Variants in PRKG1 observed in about 807,000 individuals in gnomAD.
PRKG1 encodes the protein cGMP-dependent protein kinase 1.
Under a neutral mutation model 88.1 loss-of-function variants are expected in PRKG1, and 35 were observed. That is an observed-to-expected ratio of 0.40 (90% confidence interval 0.30 to 0.53). The LOEUF is 0.53. PRKG1 is among the 20% of genes least tolerant of loss of function. The pLI is 0.59. For missense variants in PRKG1, 540 were observed against 839.8 expected, an observed-to-expected ratio of 0.64 and a Z score of 4.41; for synonymous variants, 303 against 292.5, an observed-to-expected ratio of 1.04 and a Z score of -0.37.
chr10:51,233,435 C>T (rs1379583259), intron 2 of PRKG1, among the ~76,000 whole-genome samples: 1 of 152,128 alleles, frequency 6.6e-6, no homozygotes, highest in South Asian at 2.1e-4. Flanking sequence ...AAAGACTAGA[C>T]AACCTTCAGT....
At chr10:51,523,689 A>C (rs944994423) in intron 3 of PRKG1, among the ~76,000 whole-genome samples, 1 of 152,188 alleles carries the variant, frequency 6.6e-6, no homozygotes, top group South Asian at 2.1e-4. Flanking sequence ...ACTACTGACA[A>C]AGCAGAACTG....
At chr10:51,798,809 T>A (rs1839087083) in intron 3 of PRKG1, among the ~76,000 whole-genome samples, 1 of 152,122 alleles carries the variant, frequency 6.6e-6, no homozygotes, top group African/African-American at 2.4e-5. Flanking sequence ...GGTTAGTTTA[T>A]AATGTGCACG....
At chr10:51,001,974 G>A (rs1041348902) in intron 1 of PRKG1, among the ~76,000 whole-genome samples, 12 of 151,898 alleles carry the variant, frequency 7.9e-5, no homozygotes, top group African/African-American at 2.9e-4. Flanking sequence ...TTTCCAGTTA[G>A]TAGTGGTTTT....
chr10:51,698,391 C>G, intron 3 of PRKG1: 1 of 1,614,090 alleles, frequency 6.2e-7, no homozygotes, highest in Non-Finnish European at 8.5e-7. Context: ...AGTCTGGGAT[C>G]TCCTAATGGC....
intron 7 of PRKG1, among the ~76,000 whole-genome samples, chr10:52,096,445 A>C (rs1437381203): frequency 3.3e-5 from 5 of 152,144 alleles, no homozygotes; most frequent in Non-Finnish European, 7.4e-5. Flanking sequence ...TGAATCTTGC[A>C]CTGAAACAGG....
intron 2 of PRKG1, among the ~76,000 whole-genome samples, chr10:51,278,012 G>A (rs1026853416): frequency 3.3e-5 from 5 of 152,284 alleles, no homozygotes; most frequent in African/African-American, 1.2e-4. Flanking sequence ...TGGTGAGAGA[G>A]GGCATCCCTG....
rs1840596029 is a variant in PRKG1, at chr10:51,852,983, T to C, written c.698+48293T>C. Among the ~76,000 whole-genome samples the C allele has an allele frequency of 2.6e-5, 4 of 152,280 alleles. No homozygotes were observed. In the South Asian group the frequency reaches 8.3e-4, roughly 32 times the overall value. ...AGTATTTTGAAGCCTAAGGAAAATA[T>C]ATAATCTAGACTTCCCTCCCTCCAT... On this transcript the variant is annotated intron_variant, in intron 4 of 17. Transcript: ENST00000373980.
intron 2 of PRKG1, among the ~76,000 whole-genome samples, chr10:51,402,873 G>A (rs868734388): frequency 6.6e-6 from 1 of 152,150 alleles, no homozygotes; most frequent in Non-Finnish European, 1.5e-5. Context: ...CCCAAGAAGA[G>A]GATTGTAAAA....
At chr10:51,107,890 C>T (rs1844884427) in intron 1 of PRKG1, among the ~76,000 whole-genome samples, 1 of 146,752 alleles carries the variant, frequency 6.8e-6, no homozygotes, top group South Asian at 2.2e-4. Flanking sequence ...CACACAATAT[C>T]AATGTCAGAA....
intron 9 of PRKG1, among the ~76,000 whole-genome samples, chr10:52,203,899 G>C (rs1041696722): frequency 6.6e-6 from 1 of 151,836 alleles, no homozygotes; most frequent in African/African-American, 2.4e-5. Context: ...TTTACTTTGA[G>C]CCAATGAGAG....
intron 2 of PRKG1, among the ~76,000 whole-genome samples, chr10:51,168,090 C>A (rs1368470339): frequency 2.0e-5 from 3 of 152,074 alleles, no homozygotes; most frequent in East Asian, 1.9e-4. Context: ...ACTGAAAATT[C>A]CTTCCTATTT....
chr10:52,207,156 G>A (rs1448908773), intron 9 of PRKG1, among the ~76,000 whole-genome samples: 2 of 152,224 alleles, frequency 1.3e-5, no homozygotes, highest in Non-Finnish European at 2.9e-5. Flanking sequence ...GCCAGCAGGG[G>A]AGGGGAGGCG....
chr10:51,164,563 G>A (rs527572722), intron 2 of PRKG1, among the ~76,000 whole-genome samples: 2 of 152,334 alleles, frequency 1.3e-5, no homozygotes, highest in East Asian at 3.9e-4. Context: ...ACTTTCACGA[G>A]TTGAGAGAAG....
rs543193627 is a variant in PRKG1, at chr10:51,416,466, G to A, written c.479-51257G>A. Among the ~76,000 whole-genome samples the A allele has an allele frequency of 9.9e-5, 15 of 152,242 alleles. 1 individual carries two copies. Among genetic ancestry groups the A allele is most frequent in the African/African-American group, 3.1e-4 (13 of 41,530 alleles). On this transcript the variant is annotated intron_variant, in intron 2 of 17. Coordinates refer to ENST00000373980, the MANE Select transcript of PRKG1 (RefSeq NM_006258.4). ...CAAAATCACTCCTTATTAAAGATCC[G>A]AAATAGTGTCATGGTTTGTCATTAC...
chr10:51,887,784 T>G (rs1841610222), intron 4 of PRKG1, among the ~76,000 whole-genome samples: 1 of 152,226 alleles, frequency 6.6e-6, no homozygotes, highest in African/African-American at 2.4e-5. Flanking sequence ...TTAGTTTGTT[T>G]CTTTGTTTTT....
At chr10:52,099,305 A>G (rs1847243666) in intron 7 of PRKG1, among the ~76,000 whole-genome samples, 1 of 152,168 alleles carries the variant, frequency 6.6e-6, no homozygotes, top group Non-Finnish European at 1.5e-5. Context: ...ACGCTTAAAC[A>G]CTGCTCTTCC....
At chr10:51,466,004 A>G (rs1461648499) in intron 2 of PRKG1, among the ~76,000 whole-genome samples, 3 of 152,312 alleles carry the variant, frequency 2.0e-5, no homozygotes, top group Admixed American at 1.3e-4. Flanking sequence ...GGCAAAGAGA[A>G]GTTAAGCAAT....
intron 5 of PRKG1, among the ~76,000 whole-genome samples, chr10:52,020,473 G>T (rs1482863633): frequency 1.3e-5 from 2 of 152,140 alleles, no homozygotes; most frequent in African/African-American, 2.4e-5. Context: ...GGGGCATAAG[G>T]CAGAAAAAGA....
At chr10:51,532,777 T>C (rs1842050301) in intron 3 of PRKG1, among the ~76,000 whole-genome samples, 1 of 152,172 alleles carries the variant, frequency 6.6e-6, no homozygotes, top group African/African-American at 2.4e-5. Context: ...GTCAGGGATA[T>C]ACACTTTTCC....
Sources: allele counts gnomAD v4.1 joint callset (sites outside exome capture counted in the v4.1 genomes callset), GRCh38; gene constraint gnomAD v4.1.1; transcripts MANE v1.5; gene names NCBI Gene and HGNC (gene_info 2026-07-23, HGNC 2026-07-21).